The following CCSER1 variants were observed in gnomAD, a reference collection of about 807,000 sequenced individuals.
CCSER1 encodes the protein coiled-coil serine rich protein 1, also known as serine-rich coiled-coil domain-containing protein 1.
A neutral mutation model predicts 82.0 loss-of-function variants in CCSER1; 41 were observed. The observed-to-expected ratio is 0.50, with a 90% CI of 0.39 to 0.65. The LOEUF is 0.65. Among genes scored for constraint, CCSER1 ranks in the 30% least tolerant of loss-of-function variants. The pLI is 0.00. For synonymous variants in CCSER1, 414 were observed against 383.9 expected (o/e 1.08, Z -0.92); for missense variants, 1,119 against 1,064.2 (o/e 1.05, Z -0.72).
At chr4:91,536,936 G>A (rs1328406810) in intron 10 of CCSER1, among the ~76,000 whole-genome samples, 3 of 151,990 alleles carry the variant, frequency 2.0e-5, no homozygotes, top group Non-Finnish European at 4.4e-5. Context: ...TAGATGGAGA[G>A]ACAGTTCTTA....
chr4:91,284,747 A>G (rs1439439798), intron 10 of CCSER1, among the ~76,000 whole-genome samples: 1 of 152,094 alleles, frequency 6.6e-6, no homozygotes, highest in Non-Finnish European at 1.5e-5. Context: ...CCTAGCAATA[A>G]ATGCCAAGTA....
chr4:90,923,314 G>A lies in CCSER1; in HGVS notation c.2095-56G>A, dbSNP rs1444054191. The A allele has an allele frequency of 4.3e-6, 5 of 1,151,326 alleles. No individual in the cohort carries two copies. The African/African-American group carries it at 4.6e-5, about 11-fold the overall frequency. 71.3% of individuals were successfully genotyped at this position (1,151,326 alleles called of 1,614,324 possible). A position where few individuals can be genotyped will look rare whatever the true frequency, so the allele number is the denominator to read the frequency against. ...AAATTTTAATAAGTGGAGAATATTA[G>A]TGTAGAAGTACACACCTCACCAACA... On this transcript the variant is annotated intron_variant, in intron 8 of 10. Coordinates refer to ENST00000509176, the MANE Select transcript of CCSER1 (RefSeq NM_001145065.2).
At chr4:90,864,557 A>G (rs766024881) in intron 8 of CCSER1, among the ~76,000 whole-genome samples, 3 of 151,948 alleles carry the variant, frequency 2.0e-5, no homozygotes, top group Admixed American at 6.6e-5. Context: ...TGGCCCCCCA[A>G]TCTTGGACTT....
intron 10 of CCSER1, among the ~76,000 whole-genome samples, chr4:91,187,303 T>C (rs10856882): frequency 0.71 from 108,388 of 152,144 alleles, 39,053 homozygotes; most frequent in Non-Finnish European, 0.78. Flanking sequence ...CTGCTAGTTT[T>C]CTTACTGAAT....
chr4:90,133,231 G>T (rs562249692), intron 1 of CCSER1, among the ~76,000 whole-genome samples: 1 of 152,266 alleles, frequency 6.6e-6, no homozygotes, highest in South Asian at 2.1e-4. Flanking sequence ...TCCATCAAAA[G>T]TTTTTCATCT....
intron 10 of CCSER1, among the ~76,000 whole-genome samples, chr4:91,507,824 C>T (rs1560724877): frequency 2.6e-5 from 4 of 151,776 alleles, no homozygotes; most frequent in Non-Finnish European, 5.9e-5. Flanking sequence ...TCAAATACTT[C>T]AAGATTATGA....
chr4:91,088,618 A>G (rs1240904933), intron 10 of CCSER1, among the ~76,000 whole-genome samples: 5 of 152,204 alleles, frequency 3.3e-5, no homozygotes, highest in African/African-American at 1.2e-4. Context: ...AACCCCATTT[A>G]TATTGGTATT....
chr4:90,763,289 C>G (rs1431508869), intron 7 of CCSER1, among the ~76,000 whole-genome samples: 2 of 151,920 alleles, frequency 1.3e-5, no homozygotes, highest in Non-Finnish European at 2.9e-5. Flanking sequence ...AGAGGTCAAG[C>G]AGTAGACTAC....
At chr4:91,150,938 TG>T (rs1457974867) in intron 10 of CCSER1, among the ~76,000 whole-genome samples, 1 of 152,178 alleles carries the variant, frequency 6.6e-6, no homozygotes, top group African/African-American at 2.4e-5. Context: ...TCTCTTTTTT[TG>T]TTGTGTCTCT....
chr4:90,881,033 A>G (rs1407098511), intron 8 of CCSER1, among the ~76,000 whole-genome samples: 1 of 134,238 alleles, frequency 7.4e-6, no homozygotes, highest in East Asian at 2.0e-4. Context: ...CATCTTGGCC[A>G]CCTCCCTAAA....
intron 6 of CCSER1, among the ~76,000 whole-genome samples, chr4:90,691,414 CAT>C (rs989791770): frequency 3.3e-5 from 5 of 151,874 alleles, no homozygotes; most frequent in African/African-American, 1.2e-4. Context: ...TAATCCCATA[CAT>C]ATGTGTATGT....
At chr4:90,901,913 T>A (rs1457466179) in intron 8 of CCSER1, among the ~76,000 whole-genome samples, 1 of 152,048 alleles carries the variant, frequency 6.6e-6, no homozygotes, top group Non-Finnish European at 1.5e-5. Context: ...TTCTTCCTCA[T>A]GAATGCCAAT....
At chr4:90,187,762 G>A (rs1031717084) in intron 1 of CCSER1, among the ~76,000 whole-genome samples, 2 of 151,890 alleles carry the variant, frequency 1.3e-5, no homozygotes, top group Non-Finnish European at 2.9e-5. Context: ...GATGAATATA[G>A]TGTCTTGAAG....
In CCSER1 at chr4:90,432,021, C is replaced by T. The variant is rs117660919; in HGVS notation, c.1603+31892C>T. On this transcript the variant is annotated intron_variant, in intron 4 of 10. Transcript: ENST00000509176. ...CAGTCCACCTTCTTTAATTTTTAAC[C>T]CCCTAGATCTCCCCATGGGTCTAGA... Among the ~76,000 whole-genome samples, 47 of 152,102 alleles carry T rather than the reference C, an allele frequency of 3.1e-4. 1 individual carries two copies. In the East Asian group the frequency reaches 9.1e-3, roughly 29 times the overall value.
chr4:90,186,807 T>G (rs543059449), intron 1 of CCSER1, among the ~76,000 whole-genome samples: 8 of 152,044 alleles, frequency 5.3e-5, no homozygotes, highest in Non-Finnish European at 1.0e-4. Context: ...TTTGTGTCCA[T>G]AAACTGTCAC....
chr4:90,275,900 T>C (rs1038640808), intron 1 of CCSER1, among the ~76,000 whole-genome samples: 5 of 152,174 alleles, frequency 3.3e-5, no homozygotes, highest in African/African-American at 9.6e-5. Context: ...AATAGACCTT[T>C]GTGAAATATA....
chr4:91,000,512 G>A (rs1051944262), intron 9 of CCSER1, among the ~76,000 whole-genome samples: 8 of 152,016 alleles, frequency 5.3e-5, no homozygotes, highest in African/African-American at 1.7e-4. Flanking sequence ...ATTGCTTTGG[G>A]CAGTATGGCC....
At chr4:91,467,703 A>T (rs903184821) in intron 10 of CCSER1, among the ~76,000 whole-genome samples, 1 of 152,244 alleles carries the variant, frequency 6.6e-6, no homozygotes, top group Non-Finnish European at 1.5e-5. Flanking sequence ...ATATGAACAG[A>T]CACTTCTCAA....
At chr4:91,190,428 T>C (rs1410646812) in intron 10 of CCSER1, among the ~76,000 whole-genome samples, 2 of 152,198 alleles carry the variant, frequency 1.3e-5, no homozygotes, top group Non-Finnish European at 2.9e-5. Context: ...ATATATCATA[T>C]CCTCTATCCT....
Sources: allele counts gnomAD v4.1 joint callset (sites outside exome capture counted in the v4.1 genomes callset), GRCh38; gene constraint gnomAD v4.1.1; transcripts MANE v1.5; gene names NCBI Gene and HGNC (gene_info 2026-07-23, HGNC 2026-07-21).